Variants in DNAH17 observed in about 807,000 individuals in gnomAD.
DNAH17 encodes axonemal beta dynein heavy chain 17.
Under a neutral mutation model 485.6 loss-of-function variants are expected in DNAH17, and 376 were observed. The ratio of observed to expected loss-of-function variants is 0.77; its 90% CI spans 0.71 to 0.84. The LOEUF (loss-of-function observed/expected upper bound fraction) is 0.84. Among genes scored for constraint, DNAH17 ranks in the 40% least tolerant of loss-of-function variants. The probability of loss-of-function intolerance (pLI) is 0.00; values close to 1 mark genes in which losing one functional copy is unlikely to be tolerated. For synonymous variants in DNAH17, 3,031 were observed against 2,405.9 expected, an observed-to-expected ratio of 1.26 and a Z score of -7.60; for missense variants, 6,370 against 5,839.3, an observed-to-expected ratio of 1.09 and a Z score of -2.96.
rs1491000642 is a variant in DNAH17, at chr17:78,569,420, G to A, written c.1152C>T (p.Tyr384=). 1 of 1,612,836 alleles carries A rather than the reference G, an allele frequency of 6.2e-7. No individual in the cohort carries two copies. Residue 384 remains tyrosine (Y), a synonymous_variant, in exon 8 of 81, where the codon TAC becomes TAT. Transcript: ENST00000389840. ...SLAVNVLKEL[Y]QTYDFCCVNM... ...TCACGCAGCAGAAGTCGTACGTCTG[G>A]TAGAGCTCCTTCAGCACATTTACAG... is the stretch of plus-strand genomic sequence containing the variant.
chr17:78,544,339 C>T (rs28664131), intron 16 of DNAH17, among the ~76,000 whole-genome samples: 4 of 152,132 alleles, frequency 2.6e-5, no homozygotes, highest in African/African-American at 4.8e-5. Flanking sequence ...ACCCGAGCGT[C>T]GAGGAGTGTG....
Position 78,455,883 on chromosome 17 carries a change from G to A in DNAH17, c.9978-47C>T, listed in dbSNP as rs764047699. 63 of 1,462,112 alleles carry A rather than the reference G, an allele frequency of 4.3e-5. 1 individual carries two copies. In the Middle Eastern group the frequency reaches 7.3e-4, roughly 17 times the overall value. 90.6% of individuals were successfully genotyped at this position (1,462,112 alleles called of 1,614,324 possible). The stretch of plus-strand genomic sequence containing the variant: ...TAAAACATATTTGCACAAGTGAGGG[G>A]ACTGGACCAGACAAGCCTCCACCTC... On this transcript the variant is annotated intron_variant, in intron 62 of 80. Transcript: ENST00000389840.
intron 13 of DNAH17, among the ~76,000 whole-genome samples, chr17:78,559,624 G>A (rs995628965): frequency 2.6e-5 from 4 of 152,162 alleles, no homozygotes; most frequent in African/African-American, 7.2e-5. Flanking sequence ...CCCCAGCTCC[G>A]TTCAATCTAC....
intron 30 of DNAH17, among the ~76,000 whole-genome samples, chr17:78,505,785 C>T (rs750597205): frequency 2.0e-4 from 31 of 152,038 alleles, no homozygotes; most frequent in Admixed American, 1.3e-4. Flanking sequence ...TCGAGACCAG[C>T]CTGACCAATG....
chr17:78,440,244 CTTTTTTTTTTT>C (rs71160296), intron 72 of DNAH17, among the ~76,000 whole-genome samples: 8 of 40,308 alleles, frequency 2.0e-4, no homozygotes, highest in Non-Finnish European at 2.5e-4. Context: ...CGACTTCATG[CTTTTTTTTTTT>C]TTTTTTTTTT....
At chr17:78,437,965 C>T (rs537688623) in intron 73 of DNAH17, 97 bp from the exon 74 acceptor site, 10 of 893,710 alleles carry the variant, frequency 1.1e-5, no homozygotes, top group Non-Finnish European at 1.7e-5. Context: ...GAGGGCAGGG[C>T]TCTTCTGCCA....
intron 16 of DNAH17, among the ~76,000 whole-genome samples, chr17:78,548,914 C>T (rs889205131): frequency 1.3e-5 from 2 of 152,254 alleles, no homozygotes; most frequent in Admixed American, 1.3e-4. Context: ...ATGCTGGTCC[C>T]CTCCACCAAG....
Position 78,494,966 on chromosome 17 carries a change from G to C in DNAH17, c.6035C>G (p.Ser2012Trp), listed in dbSNP as rs752254470. 1.9e-6 allele frequency: 3 copies of C among 1,612,368 alleles called. No homozygotes were observed. The highest frequency in any genetic ancestry group is 3.3e-5 in the Admixed American group (2 of 59,908). Residue 2012 changes from serine (S) to tryptophan (W), a missense_variant, in exon 39 of 81, where the codon TCG becomes TGG. Physicochemically the swap from Ser to Trp is radical, Grantham distance 177. Coordinates refer to ENST00000389840, the MANE Select transcript of DNAH17 (RefSeq NM_173628.4). The part of the protein sequence containing the change: ...TLYTLCKELL[S>W]KQDHYDWGLR... ...GCTCCAGGACACACACACCTGCTTC[G>C]AGAGCAGCTCCTTGCACAAGGTGTA...
rs750234228 is a variant in DNAH17, at chr17:78,460,236, C to G, written c.9361G>C (p.Ala3121Pro). ...INKNVTEKQK[A>P]CETDLAKAEP... ...GCTTTGGCCAGGTCTGTTTCACAGG[C>G]CTTTTGCTTCTCAGTGACGTTCTGG... The change falls in exon 59 of 81, where the codon GCC becomes CCC. Residue 3121 changes from alanine to proline, a missense_variant. By Grantham distance (27) the Ala-to-Pro change is conservative. Transcript: ENST00000389840. 1.1e-5 allele frequency: 18 copies of G among 1,603,136 alleles called. No homozygotes were observed. Among genetic ancestry groups the G allele is most frequent in the East Asian group, 2.2e-5 (1 of 44,728 alleles).
intron 25 of DNAH17, among the ~76,000 whole-genome samples, chr17:78,524,240 C>T (rs905041346): frequency 2.0e-5 from 3 of 152,178 alleles, no homozygotes; most frequent in Non-Finnish European, 4.4e-5. Flanking sequence ...CAGGTTCAAG[C>T]AATTCTTCTA....
intron 43 of DNAH17, 29 bp from the exon 44 acceptor site, chr17:78,490,876 C>A: frequency 6.4e-7 from 1 of 1,561,436 alleles, no homozygotes; most frequent in Non-Finnish European, 8.7e-7. Context: ...CCCGTGGGGT[C>A]CTAAGGCGAC....
chr17:78,520,925 C>A (rs559398851), intron 25 of DNAH17, among the ~76,000 whole-genome samples: 17 of 152,060 alleles, frequency 1.1e-4, no homozygotes, highest in Non-Finnish European at 2.5e-4. Context: ...GCAAACCAAT[C>A]TTGACAAAAA....
In DNAH17 at chr17:78,485,221, G is replaced by T. The variant is rs1001369665; in HGVS notation, c.7484-188C>A. 9.6e-6 allele frequency: 7 copies of T among 730,918 alleles called. No homozygotes were observed. The Admixed American group carries it at 2.1e-4, about 22-fold the overall frequency. The allele number at this position is 730,918 out of a possible 1,614,324, so 45.3% of individuals were successfully genotyped here. A position where few individuals can be genotyped will look rare whatever the true frequency, so the allele number is the denominator to read the frequency against. On this transcript the variant is annotated intron_variant, in intron 47 of 80. Coordinates refer to ENST00000389840, the MANE Select transcript of DNAH17 (RefSeq NM_173628.4). ...CCGGGTACAGCCCCAGGAATAAACA[G>T]AGCGATCAGAGGCGAGGGTGGCAGG...
intron 73 of DNAH17, among the ~76,000 whole-genome samples, chr17:78,438,601 C>T (rs959607110): frequency 7.3e-5 from 11 of 150,576 alleles, no homozygotes; most frequent in South Asian, 6.3e-4. Flanking sequence ...CGGGTTCAAG[C>T]GATTTTCCTG....
intron 16 of DNAH17, among the ~76,000 whole-genome samples, chr17:78,549,324 T>C (rs919347573): frequency 6.6e-6 from 1 of 152,184 alleles, no homozygotes; most frequent in African/African-American, 2.4e-5. Context: ...GGCAGCCGTC[T>C]GCACACCAGG....
At chr17:78,460,321 C>CATGTGTGTGCATGTGTGTGCATGTGT (rs148454093) in intron 58 of DNAH17, 64 bp from the exon 59 acceptor site, 9 of 872,438 alleles carry the variant, frequency 1.0e-5, no homozygotes, top group Admixed American at 2.5e-5. Flanking sequence ...GGGGCGTGTA[C>CATGTGTGTGCATGTGTGTGCATGTGT]GTGCATGTGT....
intron 57 of DNAH17, 65 bp downstream of exon 57, chr17:78,462,779 G>T: frequency 6.5e-7 from 1 of 1,527,152 alleles, no homozygotes; most frequent in Non-Finnish European, 9.0e-7. Context: ...GCCTGTGACA[G>T]TAGCAGCTCC....
chr17:78,453,401 C>T lies in DNAH17; in HGVS notation c.10471G>A (p.Glu3491Lys), dbSNP rs752894740. 18 of 1,613,814 alleles carry T rather than the reference C, an allele frequency of 1.1e-5. No individual in the cohort carries two copies. The highest frequency in any genetic ancestry group is 4.5e-5 in the East Asian group (2 of 44,876). ...GGGTCCAGCACGGGGTCCACGGTTT[C>T]GCCGATGTTCTCAATGAGCAAGGTG... ...GDTLLIENIG[E>K]TVDPVLDPLL... The change falls in exon 65 of 81, where the codon GAA becomes AAA. Residue 3491 changes from glutamate (E) to lysine (K), a missense_variant. Coordinates refer to ENST00000389840, the MANE Select transcript of DNAH17 (RefSeq NM_173628.4).
rs564793125 is a variant in DNAH17, at chr17:78,567,110, G to T, written c.1341C>A (p.Gly447=). 1 of 1,611,736 alleles carries T rather than the reference G, an allele frequency of 6.2e-7. No homozygotes were observed. The highest frequency in any genetic ancestry group is 2.2e-5 in the East Asian group (1 of 44,828). ...FLKLEKIELG[G]VRGNLLGSLV... is the part of the protein sequence containing the mutation. ...GGCTCCCGAGGAGGTTCCCACGCACGCCCCCAAGCTCGATTTTCTCCAGCT... is the reference window on the plus strand; with the variant it reads ...GGCTCCCGAGGAGGTTCCCACGCACTCCCCCAAGCTCGATTTTCTCCAGCT... Residue 447 remains glycine (G), a synonymous_variant, in exon 10 of 81, where the codon GGC becomes GGA. Coordinates refer to ENST00000389840, the MANE Select transcript of DNAH17 (RefSeq NM_173628.4).
Sources: allele counts gnomAD v4.1 joint callset (sites outside exome capture counted in the v4.1 genomes callset), GRCh38; gene constraint gnomAD v4.1.1; transcripts MANE v1.5; gene names NCBI Gene and HGNC (gene_info 2026-07-23, HGNC 2026-07-21).